TTC29: variants seen among roughly 807,000 people sequenced by gnomAD.
The protein encoded by TTC29 is tetratricopeptide repeat protein 29.
A neutral mutation model predicts 58.1 loss-of-function variants in TTC29; 49 were observed. That is an observed-to-expected ratio of 0.84 (90% CI 0.67 to 1.07). The LOEUF is 1.07. Ranked by LOEUF, TTC29 falls within the 50% of genes least tolerant of loss-of-function variation. The pLI, the probability that TTC29 is intolerant of heterozygous loss-of-function variation, is 0.00. For synonymous variants in TTC29, 209 were observed against 196.8 expected, an observed-to-expected ratio of 1.06 and a Z score of -0.52; for missense variants, 582 against 555.6, an observed-to-expected ratio of 1.05 and a Z score of -0.48.
chr4:146,825,940 T>TA lies in TTC29; in HGVS notation c.978-5693dup, dbSNP rs1166927825. ...GGATTGCAACCCCTGCTTTTTTTTT[T>TA]AAAAAAATTTCCATTTGCTTGGTAA... is the stretch of plus-strand genomic sequence containing the variant. On this transcript the variant is annotated intron_variant, in intron 9 of 12. Coordinates refer to ENST00000325106, the MANE Select transcript of TTC29 (RefSeq NM_031956.4). 3.7e-4 allele frequency among the ~76,000 whole-genome samples: 56 copies of TA among 150,122 alleles called. 1 individual carries two copies. Among genetic ancestry groups the TA allele is most frequent in the African/African-American group, 3.7e-4 (15 of 40,822 alleles).
chr4:146,783,369 C>T lies in TTC29; in HGVS notation c.1330+20088G>A, dbSNP rs115773335. 2.6e-3 allele frequency among the ~76,000 whole-genome samples: 389 copies of T among 151,712 alleles called. 2 individuals are homozygous for T. Among genetic ancestry groups the T allele is most frequent in the Middle Eastern group, 6.8e-3 (2 of 292 alleles). ...TTTTTTTTTATGAATGAAAACTTAG[C>T]CTCTATGTAAATCAACTTAGCCTCT... On this transcript the variant is annotated intron_variant, in intron 11 of 12. Transcript: ENST00000325106.
chr4:146,761,112 G>A (rs945814854), intron 11 of TTC29, among the ~76,000 whole-genome samples: 3 of 151,796 alleles, frequency 2.0e-5, no homozygotes, highest in South Asian at 2.1e-4. Context: ...GGGAGTTGGG[G>A]CAAGGGATAG....
At chr4:146,730,147 T>A (rs769053043) in intron 11 of TTC29, among the ~76,000 whole-genome samples, 9 of 152,174 alleles carry the variant, frequency 5.9e-5, no homozygotes, top group Non-Finnish European at 1.3e-4. Context: ...AAGTATACAT[T>A]CTCCTCATAT....
intron 11 of TTC29, among the ~76,000 whole-genome samples, chr4:146,757,085 T>C (rs954097528): frequency 3.1e-4 from 47 of 152,178 alleles, no homozygotes; most frequent in Non-Finnish European, 1.0e-4. Context: ...CTGGTGCAAT[T>C]TTGGGGGGTG....
chr4:146,798,033 C>T (rs1027472171), intron 11 of TTC29, among the ~76,000 whole-genome samples: 1 of 151,760 alleles, frequency 6.6e-6, no homozygotes, highest in African/African-American at 2.4e-5. Context: ...AGTTCACTAA[C>T]CTTTTCCTTT....
At chr4:146,737,744 A>C (rs1034962142) in intron 11 of TTC29, among the ~76,000 whole-genome samples, 4 of 152,182 alleles carry the variant, frequency 2.6e-5, no homozygotes, top group African/African-American at 9.7e-5. Context: ...GTTTCTTCAG[A>C]CCAAGGAACA....
chr4:146,758,151 T>C (rs980438085), intron 11 of TTC29, among the ~76,000 whole-genome samples: 14 of 152,126 alleles, frequency 9.2e-5, no homozygotes, highest in African/African-American at 3.4e-4. Flanking sequence ...AAAAGGCATT[T>C]CATGCAAATG....
chr4:146,864,502 T>C (rs2150204877), intron 8 of TTC29, among the ~76,000 whole-genome samples: 1 of 152,350 alleles, frequency 6.6e-6, no homozygotes, highest in South Asian at 2.1e-4. Flanking sequence ...CCCTATGTAT[T>C]AGTTCTCTAA....
chr4:146,915,795 A>G (rs1451986124), intron 4 of TTC29, among the ~76,000 whole-genome samples: 5 of 151,930 alleles, frequency 3.3e-5, no homozygotes, highest in African/African-American at 7.2e-5. Flanking sequence ...GATAAACTGA[A>G]TTATGGAATC....
At chr4:146,810,958 C>T (rs1188544624) in intron 10 of TTC29, among the ~76,000 whole-genome samples, 2 of 152,100 alleles carry the variant, frequency 1.3e-5, no homozygotes, top group Admixed American at 6.5e-5. Flanking sequence ...TCCTCTAATT[C>T]GTTTACTGCT....
intron 6 of TTC29, among the ~76,000 whole-genome samples, chr4:146,899,779 CCT>C (rs1276315868): frequency 1.3e-5 from 2 of 152,150 alleles, no homozygotes; most frequent in East Asian, 1.9e-4. Context: ...TCTATGGTTC[CCT>C]GAGTGTGCTG....
chr4:146,856,479 C>A (rs1729864016), intron 8 of TTC29, among the ~76,000 whole-genome samples: 1 of 151,712 alleles, frequency 6.6e-6, no homozygotes, highest in African/African-American at 2.4e-5. Context: ...TAAAACATTT[C>A]TTTATTTGTA....
chr4:146,889,267 ATCT>A (rs1377410402), intron 6 of TTC29, among the ~76,000 whole-genome samples: 4 of 152,296 alleles, frequency 2.6e-5, no homozygotes, highest in African/African-American at 9.6e-5. Context: ...TAATTCTTTA[ATCT>A]TCATGATTAT....
At chr4:146,830,364 T>G (rs188667219) in intron 9 of TTC29, among the ~76,000 whole-genome samples, 287 of 152,264 alleles carry the variant, frequency 1.9e-3, no homozygotes, top group Non-Finnish European at 3.1e-3. Context: ...TCCTCAGTCT[T>G]GAGGGATTGT....
rs540257459 is a variant in TTC29, at chr4:146,923,923, AAATC to A, written c.176+13667_176+13670del. Among the ~76,000 whole-genome samples, 12 of 151,962 alleles carry A rather than the reference AAATC, an allele frequency of 7.9e-5. No individual in the cohort carries two copies. In the South Asian group the frequency reaches 2.5e-3, roughly 31 times the overall value. On this transcript the variant is annotated intron_variant, in intron 4 of 12. Transcript: ENST00000325106. ...GGCATTAATATAAGAAAAGGCAAAT[AAATC>A]AATATAACAGAATATATATGTACAT...
chr4:146,771,379 G>T (rs545484541), intron 11 of TTC29, among the ~76,000 whole-genome samples: 13 of 152,084 alleles, frequency 8.5e-5, no homozygotes, highest in African/African-American at 3.1e-4. Flanking sequence ...CATAGTATCT[G>T]ATAGGTAGTT....
intron 4 of TTC29, among the ~76,000 whole-genome samples, chr4:146,930,322 TA>T (rs567630218): frequency 4.6e-4 from 70 of 151,980 alleles, no homozygotes; most frequent in Admixed American, 4.6e-3. Flanking sequence ...GCTTTTATTT[TA>T]AAAGAGAATT....
chr4:146,764,019 C>T (rs13133196), intron 11 of TTC29: 60,084 of 151,844 alleles, frequency 0.4, 12,599 homozygotes, highest in African/African-American at 0.51. Context: ...ATTTAAATCC[C>T]CCTGCTATGG....
intron 10 of TTC29, among the ~76,000 whole-genome samples, chr4:146,816,987 T>C (rs1032601643): frequency 4.6e-5 from 7 of 151,958 alleles, no homozygotes; most frequent in Non-Finnish European, 8.8e-5. Context: ...ACTAAGGGTG[T>C]AGAGAAAAAC....
Sources: allele counts gnomAD v4.1 joint callset (sites outside exome capture counted in the v4.1 genomes callset), GRCh38; gene constraint gnomAD v4.1.1; transcripts MANE v1.5; gene names NCBI Gene and HGNC (gene_info 2026-07-23, HGNC 2026-07-21).